The following PALLD variants were observed in gnomAD, a reference collection of about 807,000 sequenced individuals.
The protein encoded by PALLD is palladin, cytoskeletal associated protein.
PALLD carries 61 observed loss-of-function variants against 123.5 expected under a neutral mutation model. That is an observed-to-expected ratio of 0.49 (90% CI 0.40 to 0.61). The LOEUF (loss-of-function observed/expected upper bound fraction) is 0.61. PALLD is among the 20% of genes least tolerant of loss of function. The probability of loss-of-function intolerance (pLI) is 0.00; values close to 1 mark genes in which losing one functional copy is unlikely to be tolerated. For synonymous variants in PALLD, 465 were observed against 496.4 expected, an observed-to-expected ratio of 0.94 and a Z score of 0.84; for missense variants, 1,273 against 1,377.0, an observed-to-expected ratio of 0.92 and a Z score of 1.20.
At chr4:168,675,020 T>G (rs1229938792) in intron 3 of PALLD, among the ~76,000 whole-genome samples, 1 of 152,118 alleles carries the variant, frequency 6.6e-6, no homozygotes, top group Admixed American at 6.5e-5. Context: ...CAGAGAGAGC[T>G]TCTCAAGAAT....
At chr4:168,827,464 A>G (rs917805296) in intron 10 of PALLD, among the ~76,000 whole-genome samples, 1 of 152,278 alleles carries the variant, frequency 6.6e-6, no homozygotes, top group Non-Finnish European at 1.5e-5. Context: ...TCCAAATTCA[A>G]AATAGTCCAA....
At chr4:168,672,725 TG>T (rs1452155243) in intron 3 of PALLD, among the ~76,000 whole-genome samples, 2 of 152,242 alleles carry the variant, frequency 1.3e-5, no homozygotes, top group Non-Finnish European at 2.9e-5. Context: ...CCCAAAGTGC[TG>T]GGATTACAGG....
chr4:168,540,810 A>AG (rs200658745), intron 2 of PALLD, among the ~76,000 whole-genome samples: 2 of 151,398 alleles, frequency 1.3e-5, no homozygotes, highest in Admixed American at 6.6e-5. Context: ...TGGGAAGAAA[A>AG]AAAAAAAAAA....
At chr4:168,653,280 G>A (rs747902762) in intron 2 of PALLD, among the ~76,000 whole-genome samples, 10 of 152,066 alleles carry the variant, frequency 6.6e-5, no homozygotes, top group African/African-American at 1.4e-4. Context: ...GAAAAACAGC[G>A]GATCAGTGGA....
At chr4:168,603,970 T>C (rs1243152663) in intron 2 of PALLD, among the ~76,000 whole-genome samples, 1 of 152,230 alleles carries the variant, frequency 6.6e-6, no homozygotes, top group Admixed American at 6.5e-5. Flanking sequence ...ATAAATCCCT[T>C]TTATATCCAG....
chr4:168,668,665 A>G (rs1411920287), intron 3 of PALLD, among the ~76,000 whole-genome samples: 5 of 152,250 alleles, frequency 3.3e-5, no homozygotes, highest in Admixed American at 1.3e-4. Context: ...TAAATGAAGC[A>G]TAGAAACACA....
In PALLD at chr4:168,883,306, A is replaced by G. The variant is rs1176388630; in HGVS notation, c.1965-7616A>G. Among the ~76,000 whole-genome samples, 18 of 152,334 alleles carry G rather than the reference A, an allele frequency of 1.2e-4. No individual in the cohort carries two copies. In the East Asian group the frequency reaches 3.3e-3, roughly 28 times the overall value. ...TGATATACAAAAGCTCAGTTTGTAT[A>G]TCTTGGGCTCTTTTATATATTAATA... is the stretch of plus-strand genomic sequence containing the variant. On this transcript the variant is annotated intron_variant, in intron 10 of 21. Transcript: ENST00000505667.
chr4:168,903,522 G>T (rs1756997355), intron 14 of PALLD, among the ~76,000 whole-genome samples: 1 of 151,942 alleles, frequency 6.6e-6, no homozygotes, highest in African/African-American at 2.4e-5. Context: ...ATGAATGTAA[G>T]TGCAATATTT....
At chr4:168,587,590 T>G (rs1055241122) in intron 2 of PALLD, among the ~76,000 whole-genome samples, 1 of 151,956 alleles carries the variant, frequency 6.6e-6, no homozygotes, top group African/African-American at 2.4e-5. Flanking sequence ...TCTCCCAACT[T>G]TTCCGTTTTT....
At chr4:168,564,864 C>A (rs541660161) in intron 2 of PALLD, among the ~76,000 whole-genome samples, 3 of 152,068 alleles carry the variant, frequency 2.0e-5, no homozygotes, top group African/African-American at 4.8e-5. Flanking sequence ...ATAAGGGGAC[C>A]ACATACTTTC....
chr4:168,605,120 T>A (rs1216255540), intron 2 of PALLD, among the ~76,000 whole-genome samples: 1 of 152,156 alleles, frequency 6.6e-6, no homozygotes, highest in Admixed American at 6.6e-5. Context: ...CCAAATGTGA[T>A]GTTTCTGGTG....
At chr4:168,532,288 C>G (rs1764673253) in intron 2 of PALLD, among the ~76,000 whole-genome samples, 3 of 152,148 alleles carry the variant, frequency 2.0e-5, no homozygotes, top group Admixed American at 2.0e-4. Context: ...TACTCTTATT[C>G]TCTACAGGGA....
intron 10 of PALLD, among the ~76,000 whole-genome samples, chr4:168,741,345 T>TGTGTGTG (rs56865130): frequency 0.014 from 1,275 of 90,002 alleles, 17 homozygotes; most frequent in African/African-American, 0.03. Flanking sequence ...TATTTGTTTT[T>TGTGTGTG]TTTGTGTGTG....
intron 10 of PALLD, among the ~76,000 whole-genome samples, chr4:168,819,723 C>A (rs1175277035): frequency 6.6e-6 from 1 of 152,122 alleles, no homozygotes; most frequent in East Asian, 1.9e-4. Flanking sequence ...TAGAACAATG[C>A]AGAAATTATT....
intron 10 of PALLD, among the ~76,000 whole-genome samples, chr4:168,818,568 G>C (rs780303673): frequency 1.6e-4 from 24 of 152,188 alleles, no homozygotes; most frequent in Admixed American, 3.9e-4. Context: ...CTGGACAACA[G>C]AGTGAGACCC....
rs1280563023 is a variant in PALLD at position 168,533,477 on chromosome 4, C to T, written c.908+21065C>T. ...GGAGAAAGAAACAATAAAGGTGATT[C>T]CTACAAGTCTGAATGACTAGATGAC... On this transcript the variant is annotated intron_variant, in intron 2 of 21. Coordinates refer to ENST00000505667, the MANE Select transcript of PALLD (RefSeq NM_001166108.2). Among the ~76,000 whole-genome samples, 3 of 152,086 alleles carry T rather than the reference C, an allele frequency of 2.0e-5. No individual in the cohort carries two copies. The East Asian group carries it at 5.8e-4, about 29-fold the overall frequency.
intron 15 of PALLD, chr4:168,904,332 AAG>A (rs1458608123): frequency 1.1e-5 from 2 of 180,614 alleles, no homozygotes; most frequent in Non-Finnish European, 2.4e-5. Flanking sequence ...AATATTTTAA[AAG>A]AAACACATCA....
At chr4:168,635,087 C>T (rs1207762961) in intron 2 of PALLD, among the ~76,000 whole-genome samples, 1 of 152,162 alleles carries the variant, frequency 6.6e-6, no homozygotes, top group African/African-American at 2.4e-5. Flanking sequence ...TCATGTCAAG[C>T]TTGGGAAGCC....
At chr4:168,680,798 A>G (rs1561390871) in intron 3 of PALLD, among the ~76,000 whole-genome samples, 1 of 152,200 alleles carries the variant, frequency 6.6e-6, no homozygotes, top group South Asian at 2.1e-4. Flanking sequence ...CCTTTTGACT[A>G]AAAATCTGGT....
Sources: allele counts gnomAD v4.1 joint callset (sites outside exome capture counted in the v4.1 genomes callset), GRCh38; gene constraint gnomAD v4.1.1; transcripts MANE v1.5; gene names NCBI Gene and HGNC (gene_info 2026-07-23, HGNC 2026-07-21).